Variants in ZFYVE28 observed in about 807,000 individuals in gnomAD.
ZFYVE28 encodes the protein zinc finger FYVE-type containing 28.
A neutral mutation model predicts 82.1 loss-of-function variants in ZFYVE28; 40 were observed. That is an observed-to-expected ratio of 0.49 (90% CI 0.38 to 0.63). ZFYVE28 has a LOEUF of 0.63. Among genes scored for constraint, ZFYVE28 ranks in the 30% least tolerant of loss-of-function variants. ZFYVE28 has a pLI of 0.00. For synonymous variants in ZFYVE28, 612 were observed against 546.1 expected (o/e 1.12, Z -1.68); for missense variants, 1,321 against 1,242.1 (o/e 1.06, Z -0.96).
intron 8 of ZFYVE28, among the ~76,000 whole-genome samples, chr4:2,298,808 G>T (rs549829157): frequency 1.2e-3 from 179 of 152,290 alleles, no homozygotes; most frequent in Non-Finnish European, 2.2e-3. Context: ...GTGTCAGGAC[G>T]GCCACAGCCT....
Position 2,332,014 on chromosome 4 carries a change from G to A in ZFYVE28, c.701+3691C>T, listed in dbSNP as rs1445267674. ...CCCCCAGCGGTGCCTTCGCCACTGG[G>A]AGCCCCTCAGAAGGGGACGGGAGCC... On this transcript the variant is annotated intron_variant, in intron 6 of 12. Transcript: ENST00000290974. This position sits in a 1 kb window ranked among gnomAD's most constrained non-coding sequence, Gnocchi z 4.7. Among the ~76,000 whole-genome samples, 2 of 152,238 alleles carry A rather than the reference G, an allele frequency of 1.3e-5. No individual in the cohort carries two copies. Among genetic ancestry groups the A allele is most frequent in the Non-Finnish European group, 2.9e-5 (2 of 68,022 alleles).
At chr4:2,340,967 C>T (rs553648623) in intron 3 of ZFYVE28, among the ~76,000 whole-genome samples, 368 of 151,824 alleles carry the variant, frequency 2.4e-3, no homozygotes, top group African/African-American at 8.6e-3. Flanking sequence ...CTGGGGAGTC[C>T]GCATGGTGGG....
intron 5 of ZFYVE28, among the ~76,000 whole-genome samples, chr4:2,336,768 T>G: frequency 2.1e-4 from 25 of 121,532 alleles, no homozygotes; most frequent in South Asian, 5.4e-4. Context: ...AGGTGAGGAG[T>G]GAGGAGGTGA....
At position 2,274,205 on chromosome 4, in the gene ZFYVE28, G is replaced by A. The variant is rs775850665; in HGVS notation, c.2063C>T (p.Ala688Val). The change falls in exon 9 of 13, where the codon GCT becomes GTT. Residue 688 changes from alanine to valine, a missense_variant. By Grantham distance (64) the Ala-to-Val change is moderately conservative. Transcript: ENST00000290974. ...CATCTTGTCTGAGGAGCAGGACCCAGCTGTGGAGCTGCTGCATGGAGAAGG... is the reference window on the plus strand; with the variant it reads ...CATCTTGTCTGAGGAGCAGGACCCAACTGTGGAGCTGCTGCATGGAGAAGG... ...QALSGSSSST[A>V]GSCSSDKMGP... The A allele has an allele frequency of 4.3e-6, 7 of 1,613,286 alleles. No homozygotes were observed. Among genetic ancestry groups the A allele is most frequent in the Non-Finnish European group, 5.1e-6 (6 of 1,179,630 alleles).
intron 1 of ZFYVE28, among the ~76,000 whole-genome samples, chr4:2,365,112 G>T (rs1222598467): frequency 2.6e-5 from 4 of 151,460 alleles, no homozygotes; most frequent in Admixed American, 2.0e-4. Flanking sequence ...AGCGGGCAGC[G>T]TGGGGAGAGA....
At chr4:2,413,797 G>C (rs866814392) in intron 1 of ZFYVE28, among the ~76,000 whole-genome samples, 1 of 152,182 alleles carries the variant, frequency 6.6e-6, no homozygotes, top group Non-Finnish European at 1.5e-5. Flanking sequence ...TCGTTTCCCA[G>C]GTGACGCAAA....
At chr4:2,322,083 C>T (rs911777806) in intron 6 of ZFYVE28, among the ~76,000 whole-genome samples, 4 of 152,358 alleles carry the variant, frequency 2.6e-5, no homozygotes, top group African/African-American at 7.2e-5. Context: ...GACGCAGGGC[C>T]GTGCACTCCA....
intron 1 of ZFYVE28, among the ~76,000 whole-genome samples, chr4:2,407,935 A>G (rs1489894648): frequency 6.6e-6 from 1 of 152,154 alleles, no homozygotes; most frequent in Non-Finnish European, 1.5e-5. Context: ...GACCTTACGC[A>G]TGCCAGGGAG....
At chr4:2,312,525 G>A (rs531899679) in intron 7 of ZFYVE28, among the ~76,000 whole-genome samples, 1 of 151,782 alleles carries the variant, frequency 6.6e-6, no homozygotes, top group South Asian at 2.1e-4. Context: ...TCAGGAGATT[G>A]AGACCATCCC....
chr4:2,358,726 C>T (rs1209265615), intron 1 of ZFYVE28, among the ~76,000 whole-genome samples: 1 of 152,160 alleles, frequency 6.6e-6, no homozygotes, highest in Non-Finnish European at 1.5e-5. Flanking sequence ...TGACCACACC[C>T]CCCAAATTCA....
Position 2,335,059 on chromosome 4 carries a change from G to T in ZFYVE28, c.701+646C>A, listed in dbSNP as rs534228811. Among the ~76,000 whole-genome samples the T allele has an allele frequency of 6.6e-6, 1 of 151,010 alleles. No homozygotes were observed. Among genetic ancestry groups the T allele is most frequent in the African/African-American group, 2.4e-5 (1 of 41,172 alleles). On this transcript the variant is annotated intron_variant, in intron 6 of 12. Coordinates refer to ENST00000290974, the MANE Select transcript of ZFYVE28 (RefSeq NM_020972.3). The surrounding 1 kb of genome is among the most constrained non-coding windows in gnomAD (Gnocchi z 5.8). ...CAGGTGACCCCGCGCATCCTGCCTC[G>T]GTGGATTTCAGGCCTGAGCTTCCAT...
At chr4:2,324,072 T>C (rs1305137529) in intron 6 of ZFYVE28, among the ~76,000 whole-genome samples, 1 of 152,138 alleles carries the variant, frequency 6.6e-6, no homozygotes, top group Non-Finnish European at 1.5e-5. Context: ...TGTATCAAAG[T>C]TCTCTAGAGA....
chr4:2,299,134 C>G (rs151119699), intron 8 of ZFYVE28, among the ~76,000 whole-genome samples: 1 of 152,230 alleles, frequency 6.6e-6, no homozygotes, highest in Non-Finnish European at 1.5e-5. Context: ...AAGCCACCAA[C>G]AGACCAGACG....
At chr4:2,411,895 G>A (rs1732558755) in intron 1 of ZFYVE28, among the ~76,000 whole-genome samples, 1 of 152,228 alleles carries the variant, frequency 6.6e-6, no homozygotes, top group Admixed American at 6.5e-5. Context: ...GGGGGGCACA[G>A]GCCATGGGAG....
chr4:2,346,803 T>C (rs1231733091), intron 2 of ZFYVE28, among the ~76,000 whole-genome samples: 2 of 148,396 alleles, frequency 1.3e-5, no homozygotes, highest in Non-Finnish European at 3.0e-5. Flanking sequence ...ATAAATAGAA[T>C]ACATAAAAAT....
In ZFYVE28 at chr4:2,339,661, G is replaced by A. The variant is rs1490387337; in HGVS notation, c.319-6C>T. 2 of 1,589,424 alleles carry A rather than the reference G, an allele frequency of 1.3e-6. No homozygotes were observed. Among genetic ancestry groups the A allele is most frequent in the African/African-American group, 2.7e-5 (2 of 74,630 alleles). On this transcript the variant is annotated splice_region_variant and splice_polypyrimidine_tract_variant and intron_variant, in intron 3 of 12. Coordinates refer to ENST00000290974, the MANE Select transcript of ZFYVE28 (RefSeq NM_020972.3). The surrounding 1 kb of genome is among the most constrained non-coding windows in gnomAD (Gnocchi z 5.0). ...ATGGAGCCGGCGGCCAGGCACTGCG[G>A]GAGGGGACACACTCAGGGAGGGGCC...
chr4:2,271,242 A>T, intron 12 of ZFYVE28, 69 bp downstream of exon 12: 1 of 1,497,320 alleles, frequency 6.7e-7, no homozygotes. Flanking sequence ...TCTGACTTCC[A>T]GACCTCAGGC....
At position 2,408,446 on chromosome 4, in the gene ZFYVE28, T is replaced by A. The variant is rs1485350617; in HGVS notation, c.39+9839A>T. ...CCTCAGGATCACCTTGCCACTCTGC[T>A]CCACTGCCCTGAGACTCAGCATCGG... On this transcript the variant is annotated intron_variant, in intron 1 of 12. Coordinates refer to ENST00000290974, the MANE Select transcript of ZFYVE28 (RefSeq NM_020972.3). The surrounding 1 kb of genome is among the most constrained non-coding windows in gnomAD (Gnocchi z 4.3). Among the ~76,000 whole-genome samples, 1 of 152,016 alleles carries A rather than the reference T, an allele frequency of 6.6e-6. No homozygotes were observed. Among genetic ancestry groups the A allele is most frequent in the Non-Finnish European group, 1.5e-5 (1 of 67,994 alleles).
chr4:2,390,814 G>A (rs932981940), intron 1 of ZFYVE28, among the ~76,000 whole-genome samples: 4 of 152,214 alleles, frequency 2.6e-5, no homozygotes, highest in African/African-American at 9.6e-5. Context: ...CTTTTTGTAA[G>A]AAAACAAGGC....
Sources: allele counts gnomAD v4.1 joint callset (sites outside exome capture counted in the v4.1 genomes callset), GRCh38; gene constraint gnomAD v4.1.1; non-coding constraint Gnocchi (gnomAD v3.1); transcripts MANE v1.5; gene names NCBI Gene and HGNC (gene_info 2026-07-23, HGNC 2026-07-21).